WDR59: variants seen among roughly 807,000 people sequenced by gnomAD.
The protein encoded by WDR59 is GATOR2 complex protein WDR59.
A neutral mutation model predicts 131.2 loss-of-function variants in WDR59; 100 were observed. The observed-to-expected ratio is 0.76, with a 90% CI of 0.65 to 0.90. WDR59 has a LOEUF of 0.90. WDR59 is among the 40% of genes least tolerant of loss of function. WDR59 has a pLI of 0.00. For missense variants in WDR59, 1,203 were observed against 1,262.2 expected, an observed-to-expected ratio of 0.95 and a Z score of 0.71; for synonymous variants, 601 against 466.2, an observed-to-expected ratio of 1.29 and a Z score of -3.72.
At chr16:74,974,168 C>G (rs1334976028) in intron 1 of WDR59, among the ~76,000 whole-genome samples, 1 of 151,840 alleles carries the variant, frequency 6.6e-6, no homozygotes, top group Non-Finnish European at 1.5e-5. Context: ...GACTCCATCT[C>G]AAAAACAAAG....
intron 8 of WDR59, among the ~76,000 whole-genome samples, chr16:74,927,217 T>C (rs2030903848): frequency 6.6e-6 from 1 of 152,202 alleles, no homozygotes; most frequent in South Asian, 2.1e-4. Flanking sequence ...AACTGTTAAA[T>C]TTAATGGCAT....
At chr16:74,970,134 A>C (rs927985481) in intron 1 of WDR59, among the ~76,000 whole-genome samples, 1 of 152,166 alleles carries the variant, frequency 6.6e-6, no homozygotes, top group Admixed American at 6.6e-5. Flanking sequence ...CATGCTGCCT[A>C]GGCTAGTCTA....
At chr16:74,983,291 A>ACCAGCCTG in intron 1 of WDR59, among the ~76,000 whole-genome samples, 2 of 152,056 alleles carry the variant, frequency 1.3e-5, no homozygotes, top group South Asian at 4.2e-4. Flanking sequence ...TGGCCAACAG[A>ACCAGCCTG]GCGAAACCCC....
At chr16:74,909,326 G>A (rs1021906329) in intron 16 of WDR59, among the ~76,000 whole-genome samples, 175 bp downstream of exon 16, 16 of 152,058 alleles carry the variant, frequency 1.1e-4, no homozygotes, top group Admixed American at 6.6e-4. Context: ...ACCCTCTTAG[G>A]ATAAGTCCAC....
At chr16:74,899,340 C>T (rs1175515374) in intron 18 of WDR59, among the ~76,000 whole-genome samples, 1 of 152,204 alleles carries the variant, frequency 6.6e-6, no homozygotes, top group Non-Finnish European at 1.5e-5. Context: ...CTGCTCCCCC[C>T]ATGCCAAAGG....
intron 8 of WDR59, among the ~76,000 whole-genome samples, chr16:74,935,746 G>A (rs946020033): frequency 2.6e-5 from 4 of 151,812 alleles, no homozygotes; most frequent in Middle Eastern, 3.2e-3. Flanking sequence ...AAATTGTCTT[G>A]CTAGCACTGT....
At position 74,889,197 on chromosome 16, in the gene WDR59, C is replaced by G. The variant is rs115615291; in HGVS notation, c.2195+506G>C. On this transcript the variant is annotated intron_variant, in intron 21 of 25. Transcript: ENST00000262144. Reference sequence around the variant, plus strand: ...AGTTATGGAGATTCAAGTGGTTTTACTTGGTGTTAAATTATTTTGTATAGT... The same window carrying G: ...AGTTATGGAGATTCAAGTGGTTTTAGTTGGTGTTAAATTATTTTGTATAGT... Among the ~76,000 whole-genome samples, 834 of 152,322 alleles carry G rather than the reference C, an allele frequency of 5.5e-3. 11 individuals are homozygous for G. Among genetic ancestry groups the G allele is most frequent in the African/African-American group, 0.019 (807 of 41,566 alleles).
intron 25 of WDR59, among the ~76,000 whole-genome samples, chr16:74,882,878 T>C (rs1211306277): frequency 2.1e-5 from 3 of 142,342 alleles, no homozygotes; most frequent in Non-Finnish European, 4.6e-5. Context: ...AAAGAAACTA[T>C]ACCTACACAA....
At chr16:74,957,159 C>T (rs769585676) in intron 2 of WDR59, among the ~76,000 whole-genome samples, 21 of 149,910 alleles carry the variant, frequency 1.4e-4, no homozygotes, top group Non-Finnish European at 2.9e-4. Flanking sequence ...CAGCTCACTG[C>T]AACCTCCGCT....
chr16:74,891,817 G>A (rs566639263), intron 20 of WDR59, among the ~76,000 whole-genome samples: 7 of 152,244 alleles, frequency 4.6e-5, no homozygotes, highest in Admixed American at 1.3e-4. Context: ...CCCGCTACTC[G>A]GGAGGCTGAG....
chr16:74,946,592 C>T (rs112335926), intron 6 of WDR59, among the ~76,000 whole-genome samples: 7,164 of 151,966 alleles, frequency 0.047, 228 homozygotes, highest in Middle Eastern at 0.14. Flanking sequence ...TGTGGTGGTG[C>T]GCACCTGTAA....
chr16:74,931,664 A>G (rs1328970796), intron 8 of WDR59, among the ~76,000 whole-genome samples: 2 of 152,114 alleles, frequency 1.3e-5, no homozygotes, highest in Admixed American at 6.6e-5. Flanking sequence ...AAGGATCACA[A>G]GAGCTGAGTC....
intron 10 of WDR59, among the ~76,000 whole-genome samples, chr16:74,918,862 T>A (rs1966516937): frequency 6.6e-6 from 1 of 152,150 alleles, no homozygotes; most frequent in Non-Finnish European, 1.5e-5. Flanking sequence ...TCTTATTGGT[T>A]CCTTCTCTGC....
intron 3 of WDR59, among the ~76,000 whole-genome samples, chr16:74,953,251 C>T (rs2033104468): frequency 1.3e-5 from 2 of 151,874 alleles, no homozygotes; most frequent in African/African-American, 2.4e-5. Flanking sequence ...GCAGGGGGAT[C>T]GCTTGAGGTG....
At chr16:74,929,442 T>C (rs1183279960) in intron 8 of WDR59, among the ~76,000 whole-genome samples, 2 of 152,212 alleles carry the variant, frequency 1.3e-5, no homozygotes, top group African/African-American at 4.8e-5. Flanking sequence ...TCAACATCAC[T>C]GATCATCAGA....
intron 1 of WDR59, among the ~76,000 whole-genome samples, chr16:74,968,328 G>C (rs927322175): frequency 1.3e-5 from 2 of 152,202 alleles, no homozygotes; most frequent in Non-Finnish European, 2.9e-5. Context: ...TGCAAAGACA[G>C]AAGGACATGG....
intron 1 of WDR59, among the ~76,000 whole-genome samples, chr16:74,983,504 G>C (rs986447719): frequency 1.3e-5 from 2 of 152,080 alleles, no homozygotes; most frequent in African/African-American, 2.4e-5. Context: ...TAAAATTGAA[G>C]AGAATCACCA....
intron 8 of WDR59, among the ~76,000 whole-genome samples, chr16:74,929,343 G>A (rs890399010): frequency 1.3e-5 from 2 of 152,108 alleles, no homozygotes; most frequent in South Asian, 2.1e-4. Flanking sequence ...CCAAAGTGCT[G>A]GGATTATAGG....
chr16:74,984,524 T>G (rs1597836438), intron 1 of WDR59: 2 of 204,704 alleles, frequency 9.8e-6, no homozygotes, highest in South Asian at 8.3e-5. Context: ...ACAGGCACTT[T>G]GCAAACAGTG....
Sources: gnomAD v4.1 joint callset for allele counts (sites outside exome capture counted in the v4.1 genomes callset) on GRCh38, gnomAD v4.1.1 for gene constraint, MANE v1.5 for transcripts, NCBI Gene and HGNC (gene_info 2026-07-23, HGNC 2026-07-21) for gene names.